Variants in PLEKHG1 observed in about 807,000 individuals in gnomAD.
PLEKHG1 encodes the protein pleckstrin homology domain-containing family G member 1.
PLEKHG1 carries 44 observed loss-of-function variants against 100.8 expected under a neutral mutation model. The observed-to-expected ratio is 0.44, with a 90% CI of 0.34 to 0.56. PLEKHG1 has a LOEUF of 0.56. PLEKHG1 is among the 20% of genes least tolerant of loss of function. The pLI is 0.01. For missense variants in PLEKHG1, 1,545 were observed against 1,720.9 expected (o/e 0.90, Z 1.81); for synonymous variants, 640 against 662.5 (o/e 0.97, Z 0.52).
intron 3 of PLEKHG1, among the ~76,000 whole-genome samples, chr6:150,697,020 C>G (rs888025875): frequency 6.6e-6 from 1 of 151,642 alleles, no homozygotes; most frequent in East Asian, 1.9e-4. Flanking sequence ...TTGCCTGAAC[C>G]TGGGAGGCAG....
chr6:150,614,994 C>T (rs62434061), intron 1 of PLEKHG1, among the ~76,000 whole-genome samples: 12,389 of 152,180 alleles, frequency 0.081, 562 homozygotes, highest in Non-Finnish European at 0.1. Flanking sequence ...TAAAAACCTC[C>T]GAATGAATGA....
exon 3 of PLEKHG1, chr6:150,768,644 C>T (rs746313401): frequency 6.2e-7 from 1 of 1,602,480 alleles, no homozygotes; most frequent in Non-Finnish European, 8.6e-7. Context: ...ACAGGATTAC[C>T]TTGACTGCAT....
intron 3 of PLEKHG1, among the ~76,000 whole-genome samples, chr6:150,665,522 C>G (rs1420265016): frequency 6.6e-6 from 1 of 151,974 alleles, no homozygotes; most frequent in African/African-American, 2.4e-5. Context: ...CCCAGCTACT[C>G]AGTAGGCTGA....
At chr6:150,794,038 T>C (rs1010302695) in intron 4 of PLEKHG1, among the ~76,000 whole-genome samples, 10 of 152,040 alleles carry the variant, frequency 6.6e-5, no homozygotes, top group African/African-American at 2.4e-4. Flanking sequence ...ACCAAGATCG[T>C]GCCACTGCAC....
chr6:150,687,212 C>A (rs559150839), intron 3 of PLEKHG1, among the ~76,000 whole-genome samples: 1 of 152,154 alleles, frequency 6.6e-6, no homozygotes, highest in Non-Finnish European at 1.5e-5. Context: ...TCAGTAGTCA[C>A]ATAGTAAAAG....
chr6:150,611,811 CAA>C (rs35351890), intron 1 of PLEKHG1, among the ~76,000 whole-genome samples: 80 of 121,560 alleles, frequency 6.6e-4, no homozygotes, highest in Admixed American at 1.1e-3. Flanking sequence ...GACTCCATCT[CAA>C]AAAAAAAAAA....
At chr6:150,634,250 C>G (rs9371466) in intron 1 of PLEKHG1, among the ~76,000 whole-genome samples, 7 of 120,330 alleles carry the variant, frequency 5.8e-5, no homozygotes, top group Non-Finnish European at 8.8e-5. Flanking sequence ...ATCTCCCCCC[C>G]AAAAAAAAAA....
intron 3 of PLEKHG1, among the ~76,000 whole-genome samples, chr6:150,696,701 G>C (rs1780557649): frequency 6.6e-6 from 1 of 152,138 alleles, no homozygotes; most frequent in African/African-American, 2.4e-5. Context: ...TTAAAGTCTA[G>C]AGATACCAAA....
intron 1 of PLEKHG1, among the ~76,000 whole-genome samples, chr6:150,628,803 C>T (rs1777621638): frequency 6.6e-6 from 1 of 151,996 alleles, no homozygotes; most frequent in African/African-American, 2.4e-5. Context: ...TAGTAATAGC[C>T]CCAGGTAATT....
intron 3 of PLEKHG1, among the ~76,000 whole-genome samples, chr6:150,684,630 G>T (rs1780055402): frequency 6.6e-6 from 1 of 152,100 alleles, no homozygotes; most frequent in Non-Finnish European, 1.5e-5. Flanking sequence ...AGGATTTTTG[G>T]ATCTGTGGCA....
At chr6:150,803,388 A>G (rs2128664809) in intron 6 of PLEKHG1, among the ~76,000 whole-genome samples, 1 of 152,320 alleles carries the variant, frequency 6.6e-6, no homozygotes, top group East Asian at 1.9e-4. Flanking sequence ...TAAAAAGGCA[A>G]TAGTTTCAAT....
At chr6:150,654,158 C>T (rs529811450) in intron 3 of PLEKHG1, among the ~76,000 whole-genome samples, 42 of 152,292 alleles carry the variant, frequency 2.8e-4, no homozygotes, top group Non-Finnish European at 4.3e-4. Flanking sequence ...ACTGCCCGGG[C>T]GGCAGAAAGA....
intron 3 of PLEKHG1, among the ~76,000 whole-genome samples, chr6:150,691,379 GGGATGAGTGAAA>G (rs374832512): frequency 2.2e-4 from 34 of 152,236 alleles, no homozygotes; most frequent in African/African-American, 7.7e-4. Context: ...TTATACTTCA[GGGATGAGTGAAA>G]TAATGTTATA....
At chr6:150,631,406 G>C (rs886350670) in intron 1 of PLEKHG1, among the ~76,000 whole-genome samples, 1 of 152,216 alleles carries the variant, frequency 6.6e-6, no homozygotes, top group Admixed American at 6.5e-5. Context: ...AATGGGTGCT[G>C]CTGTCCTTTG....
At chr6:150,795,095 A>T (rs373218557) in intron 4 of PLEKHG1, among the ~76,000 whole-genome samples, 81 of 152,272 alleles carry the variant, frequency 5.3e-4, no homozygotes, top group African/African-American at 1.9e-3. Flanking sequence ...CTTTTTCAAA[A>T]TATAATTTCA....
chr6:150,781,492 G>A (rs1375109850), intron 3 of PLEKHG1, among the ~76,000 whole-genome samples: 4 of 151,292 alleles, frequency 2.6e-5, no homozygotes, highest in Non-Finnish European at 4.4e-5. Context: ...GAGAAGATGC[G>A]AGATTCCATC....
intron 4 of PLEKHG1, among the ~76,000 whole-genome samples, chr6:150,786,960 G>A (rs112204694): frequency 4.3e-4 from 65 of 151,126 alleles, no homozygotes; most frequent in African/African-American, 1.1e-3. Flanking sequence ...CCCAGGAGGC[G>A]GAGGTTGCAG....
rs111526807 is a variant in PLEKHG1, at chr6:150,776,671, T to C, written c.512+7933T>C. ...TCCTGGTGCACGTGTGGTTGCACAT[T>C]ACTCACACTGATGCAATCCTGGCGT... On this transcript the variant is annotated intron_variant, in intron 3 of 15. Transcript: ENST00000358517. 4.1e-4 allele frequency among the ~76,000 whole-genome samples: 55 copies of C among 135,510 alleles called. 3 individuals carry two copies. Among genetic ancestry groups the C allele is most frequent in the African/African-American group, 1.4e-3 (45 of 32,656 alleles). The allele number at this position is 135,510 out of a possible 152,430, so 88.9% of individuals were successfully genotyped here. A position where few individuals can be genotyped will look rare whatever the true frequency, so the allele number is the denominator to read the frequency against.
chr6:150,645,265 T>C (rs1242240732), intron 2 of PLEKHG1, among the ~76,000 whole-genome samples: 1 of 152,178 alleles, frequency 6.6e-6, no homozygotes, highest in Non-Finnish European at 1.5e-5. Context: ...GTTATCCTTA[T>C]GGAAAAAATG....
Sources: gnomAD v4.1 joint callset for allele counts (sites outside exome capture counted in the v4.1 genomes callset) on GRCh38, gnomAD v4.1.1 for gene constraint, MANE v1.5 for transcripts, NCBI Gene and HGNC (gene_info 2026-07-23, HGNC 2026-07-21) for gene names.